The following NKAIN2 variants were observed in gnomAD, a reference collection of about 807,000 sequenced individuals.
NKAIN2 encodes the protein sodium/potassium-transporting ATPase subunit beta-1-interacting protein 2.
A neutral mutation model predicts 32.6 loss-of-function variants in NKAIN2; 14 were observed. That is an observed-to-expected ratio of 0.43 (90% confidence interval 0.28 to 0.67). The LOEUF is 0.67. Ranked by LOEUF, NKAIN2 falls within the 30% of genes least tolerant of loss-of-function variation. NKAIN2 has a pLI of 0.17. For missense variants in NKAIN2, 198 were observed against 258.3 expected, an observed-to-expected ratio of 0.77 and a Z score of 1.60; for synonymous variants, 80 against 87.2, an observed-to-expected ratio of 0.92 and a Z score of 0.46.
At chr6:124,209,537 A>G (rs918077890) in intron 1 of NKAIN2, among the ~76,000 whole-genome samples, 2 of 151,852 alleles carry the variant, frequency 1.3e-5, no homozygotes, top group South Asian at 2.1e-4. Flanking sequence ...AGTGTTCTCC[A>G]TAGTGACTAT....
At chr6:124,805,191 A>G (rs1177913771) in intron 5 of NKAIN2, among the ~76,000 whole-genome samples, 8 of 152,226 alleles carry the variant, frequency 5.3e-5, no homozygotes, top group Admixed American at 5.2e-4. Flanking sequence ...TGCCTCCTCA[A>G]GTGGGTCCCT....
intron 2 of NKAIN2, among the ~76,000 whole-genome samples, chr6:124,318,418 T>C (rs1797047635): frequency 6.6e-6 from 1 of 152,010 alleles, no homozygotes; most frequent in Non-Finnish European, 1.5e-5. Flanking sequence ...GGATTTTCAT[T>C]TTAGCAGCAT....
At chr6:123,818,329 A>G (rs984384311) in intron 1 of NKAIN2, among the ~76,000 whole-genome samples, 3 of 149,248 alleles carry the variant, frequency 2.0e-5, no homozygotes, top group African/African-American at 7.4e-5. Flanking sequence ...TTTAGACTCT[A>G]ACAAATTTTC....
intron 1 of NKAIN2, among the ~76,000 whole-genome samples, chr6:123,951,643 A>AT (rs1777332150): frequency 6.6e-6 from 1 of 151,230 alleles, no homozygotes; most frequent in Non-Finnish European, 1.5e-5. Context: ...TTCAGTCTAT[A>AT]TTTTTTTTAA....
intron 1 of NKAIN2, among the ~76,000 whole-genome samples, chr6:123,960,744 A>C (rs968942763): frequency 1.3e-5 from 2 of 151,700 alleles, no homozygotes; most frequent in Admixed American, 6.6e-5. Flanking sequence ...GAGGGTCTAT[A>C]TTAGGTGTAG....
At chr6:124,629,054 G>T (rs1018798421) in intron 3 of NKAIN2, among the ~76,000 whole-genome samples, 4 of 152,138 alleles carry the variant, frequency 2.6e-5, no homozygotes, top group Middle Eastern at 3.4e-3. Context: ...TTGTGGAGTT[G>T]GTGGGGCTAA....
chr6:124,597,804 C>T (rs1171926397), intron 3 of NKAIN2, among the ~76,000 whole-genome samples: 1 of 152,108 alleles, frequency 6.6e-6, no homozygotes, highest in Non-Finnish European at 1.5e-5. Context: ...AGTTTTAGAG[C>T]TGTAAGTGAT....
chr6:123,954,311 G>A (rs1777467028), intron 1 of NKAIN2, among the ~76,000 whole-genome samples: 1 of 152,192 alleles, frequency 6.6e-6, no homozygotes, highest in Admixed American at 6.5e-5. Flanking sequence ...TGGTCTTCAG[G>A]CAGATCCCTG....
chr6:124,012,065 T>C (rs1780354753), intron 1 of NKAIN2, among the ~76,000 whole-genome samples: 1 of 152,144 alleles, frequency 6.6e-6, no homozygotes, highest in African/African-American at 2.4e-5. Flanking sequence ...ATAATTGACA[T>C]GAAATAAAAT....
At chr6:124,209,564 ATT>A (rs1791066585) in intron 1 of NKAIN2, among the ~76,000 whole-genome samples, 1 of 151,794 alleles carries the variant, frequency 6.6e-6, no homozygotes, top group Admixed American at 6.6e-5. Flanking sequence ...AATAGTTTAC[ATT>A]CCACCAATAG....
At chr6:124,717,194 A>G (rs963317345) in intron 4 of NKAIN2, among the ~76,000 whole-genome samples, 1 of 152,254 alleles carries the variant, frequency 6.6e-6, no homozygotes, top group Non-Finnish European at 1.5e-5. Context: ...TGGAGTTCTT[A>G]TAATGTTCTA....
intron 1 of NKAIN2, among the ~76,000 whole-genome samples, chr6:123,869,613 G>T (rs928641018): frequency 1.3e-5 from 2 of 152,140 alleles, no homozygotes; most frequent in African/African-American, 4.8e-5. Context: ...CATTCAATTG[G>T]ATTCATATCA....
chr6:124,214,371 A>T (rs1442749414), intron 1 of NKAIN2, among the ~76,000 whole-genome samples: 1 of 152,166 alleles, frequency 6.6e-6, no homozygotes, highest in African/African-American at 2.4e-5. Flanking sequence ...AATAAAATTT[A>T]TTTGGAAGGA....
intron 1 of NKAIN2, among the ~76,000 whole-genome samples, chr6:124,152,385 A>G (rs557164527): frequency 6.6e-6 from 1 of 151,946 alleles, no homozygotes; most frequent in Non-Finnish European, 1.5e-5. Context: ...CTGGTAGTGT[A>G]TGTCTTGCAG....
intron 3 of NKAIN2, among the ~76,000 whole-genome samples, chr6:124,507,153 G>C (rs1374535545): frequency 1.3e-5 from 2 of 152,150 alleles, no homozygotes; most frequent in Non-Finnish European, 2.9e-5. Context: ...CTTTGGGAAG[G>C]TTTTACTGAC....
At chr6:124,434,054 C>T (rs934130634) in intron 3 of NKAIN2, among the ~76,000 whole-genome samples, 3 of 152,058 alleles carry the variant, frequency 2.0e-5, no homozygotes, top group African/African-American at 7.2e-5. Context: ...TGGCAGTGAG[C>T]GTATAGCCTT....
intron 3 of NKAIN2, among the ~76,000 whole-genome samples, chr6:124,431,297 T>G (rs1460902111): frequency 6.6e-6 from 1 of 152,122 alleles, no homozygotes; most frequent in Non-Finnish European, 1.5e-5. Context: ...CATGTAGACT[T>G]TCTATTTATG....
intron 2 of NKAIN2, among the ~76,000 whole-genome samples, chr6:124,346,969 G>T (rs1798455864): frequency 6.6e-6 from 1 of 152,138 alleles, no homozygotes; most frequent in African/African-American, 2.4e-5. Flanking sequence ...GCAGCAGCTG[G>T]TACCGGTTGT....
At chr6:124,598,139 G>A (rs11154248) in intron 3 of NKAIN2, among the ~76,000 whole-genome samples, 19,275 of 152,138 alleles carry the variant, frequency 0.13, 1,414 homozygotes, top group Middle Eastern at 0.24. Context: ...ATACTTCTGA[G>A]AAACTACAGT....
Sources: allele counts gnomAD v4.1 joint callset (sites outside exome capture counted in the v4.1 genomes callset), GRCh38; gene constraint gnomAD v4.1.1; transcripts MANE v1.5; gene names NCBI Gene and HGNC (gene_info 2026-07-23, HGNC 2026-07-21).